Variants in PPP2R2B observed in about 807,000 individuals in gnomAD.
The protein encoded by PPP2R2B is serine/threonine-protein phosphatase 2A 55 kDa regulatory subunit B beta isoform.
A neutral mutation model predicts 46.0 loss-of-function variants in PPP2R2B; 5 were observed. The observed-to-expected ratio is 0.11, with a 90% CI of 0.06 to 0.23. PPP2R2B has a LOEUF of 0.23. Among genes scored for constraint, PPP2R2B ranks in the 10% least tolerant of loss-of-function variants. PPP2R2B has a pLI of 1.00. For missense variants in PPP2R2B, 367 were observed against 575.0 expected (o/e 0.64, Z 3.70); for synonymous variants, 215 against 206.7 (o/e 1.04, Z -0.34).
At chr5:146,726,368 G>T (rs1360815511) in intron 2 of PPP2R2B, among the ~76,000 whole-genome samples, 2 of 152,108 alleles carry the variant, frequency 1.3e-5, no homozygotes, top group Admixed American at 1.3e-4. Flanking sequence ...GGACTTTTTG[G>T]CTCTAGCGAG....
At chr5:146,891,611 C>T (rs1195579171) in intron 1 of PPP2R2B, among the ~76,000 whole-genome samples, 2 of 152,166 alleles carry the variant, frequency 1.3e-5, no homozygotes, top group Non-Finnish European at 2.9e-5. Context: ...TACCTGCCTA[C>T]TATGTGCTTA....
intron 2 of PPP2R2B, among the ~76,000 whole-genome samples, chr5:146,817,299 T>G (rs956481773): frequency 6.6e-6 from 1 of 152,152 alleles, no homozygotes. Flanking sequence ...CCAGAAAGCC[T>G]AAGACATTTT....
In PPP2R2B at chr5:146,672,190, A is replaced by T. The variant is rs141716970; in HGVS notation, c.447+18938T>A. On this transcript the variant is annotated intron_variant, in intron 5 of 9. Transcript: ENST00000394411. ...GGGAGACATCCAAGGAGGCAAGAGG[A>T]GATGTAAATTTCCCAGGGGAAGAAG... is the stretch of plus-strand genomic sequence containing the variant. Among the ~76,000 whole-genome samples the T allele has an allele frequency of 9.8e-3, 1,495 of 152,138 alleles. 22 individuals are homozygous for T. Among genetic ancestry groups the T allele is most frequent in the African/African-American group, 0.034 (1,388 of 41,426 alleles).
intron 2 of PPP2R2B, among the ~76,000 whole-genome samples, chr5:146,823,815 C>A (rs1161330564): frequency 6.6e-6 from 1 of 152,030 alleles, no homozygotes; most frequent in African/African-American, 2.4e-5. Flanking sequence ...GTGATTTTTG[C>A]AAAACATAGC....
chr5:146,845,007 T>C (rs180703153), intron 2 of PPP2R2B, among the ~76,000 whole-genome samples: 20 of 152,192 alleles, frequency 1.3e-4, no homozygotes, highest in Admixed American at 4.6e-4. Flanking sequence ...AGATCCCACT[T>C]TTGGCCACTT....
intron 1 of PPP2R2B, among the ~76,000 whole-genome samples, chr5:146,951,006 G>A (rs545705954): frequency 1.3e-5 from 2 of 151,910 alleles, no homozygotes; most frequent in Non-Finnish European, 2.9e-5. Context: ...GTAGAGATAA[G>A]GTCAAGCATC....
chr5:146,894,725 C>A (rs537982167), intron 1 of PPP2R2B, among the ~76,000 whole-genome samples: 1 of 152,184 alleles, frequency 6.6e-6, no homozygotes, highest in African/African-American at 2.4e-5. Flanking sequence ...CAGGCATGAG[C>A]CACCACACCT....
intron 1 of PPP2R2B, chr5:146,919,244 T>C (rs1429079467): frequency 6.6e-6 from 1 of 152,162 alleles, no homozygotes; most frequent in Non-Finnish European, 1.5e-5. Flanking sequence ...TAAAGAATAT[T>C]TCTACAGGAT....
chr5:146,713,456 T>C (rs749171971), intron 2 of PPP2R2B, among the ~76,000 whole-genome samples: 29 of 152,218 alleles, frequency 1.9e-4, no homozygotes, highest in Non-Finnish European at 3.2e-4. Context: ...GTAAAGCTTA[T>C]GTTACGTACA....
At chr5:146,740,577 A>T (rs1187718188) in intron 2 of PPP2R2B, among the ~76,000 whole-genome samples, 1 of 5,748 alleles carries the variant, frequency 1.7e-4, no homozygotes, top group Non-Finnish European at 3.8e-4. Context: ...ATGAGATCAC[A>T]CACACACACA....
chr5:147,017,153 A>T (rs1300048278), intron 1 of PPP2R2B, among the ~76,000 whole-genome samples: 1 of 151,626 alleles, frequency 6.6e-6, no homozygotes, highest in Non-Finnish European at 1.5e-5. Context: ...CCCAAGCCAG[A>T]GAAGTAGGAT....
upstream of PPP2R2B, chr5:147,056,135 T>A (rs1377138746): frequency 1.9e-6 from 2 of 1,044,148 alleles, no homozygotes; most frequent in East Asian, 1.5e-4. Context: ...TCCAGCAGGA[T>A]ATGGGAGTAG....
intron 7 of PPP2R2B, among the ~76,000 whole-genome samples, chr5:146,632,730 T>A (rs1774525302): frequency 6.6e-6 from 1 of 152,096 alleles, no homozygotes; most frequent in Admixed American, 6.5e-5. Flanking sequence ...GAAGTGACAT[T>A]TTCTCAGAAA....
intron 2 of PPP2R2B, among the ~76,000 whole-genome samples, chr5:146,711,646 T>TGGATGAGC (rs1379021580): frequency 6.6e-6 from 1 of 152,130 alleles, no homozygotes; most frequent in Non-Finnish European, 1.5e-5. Context: ...AAAGCCAAAG[T>TGGATGAGC]GGATGAGCAA....
At chr5:146,665,286 C>A (rs938218971) in intron 5 of PPP2R2B, among the ~76,000 whole-genome samples, 4 of 152,182 alleles carry the variant, frequency 2.6e-5, no homozygotes, top group Admixed American at 6.5e-5. Context: ...GTAGCCACCG[C>A]CACCCATGAT....
intron 2 of PPP2R2B, among the ~76,000 whole-genome samples, chr5:147,062,525 G>A (rs1426829236): frequency 1.3e-5 from 2 of 152,080 alleles, no homozygotes; most frequent in Non-Finnish European, 2.9e-5. Context: ...TATAGATGAG[G>A]AAGTTTACAC....
At chr5:146,912,922 C>T (rs879707803) in intron 1 of PPP2R2B, among the ~76,000 whole-genome samples, 4 of 152,172 alleles carry the variant, frequency 2.6e-5, no homozygotes, top group Admixed American at 6.5e-5. Flanking sequence ...AGTCCAAGCT[C>T]TTCTGGGGAT....
upstream of PPP2R2B, among the ~76,000 whole-genome samples, chr5:146,880,170 A>G (rs1201920075): frequency 7.0e-6 from 1 of 143,884 alleles, no homozygotes; most frequent in Non-Finnish European, 1.5e-5. Flanking sequence ...GTTCCTTGAC[A>G]TAGTTATTTT....
chr5:146,953,445 C>T (rs1751720425), intron 1 of PPP2R2B, among the ~76,000 whole-genome samples: 1 of 152,078 alleles, frequency 6.6e-6, no homozygotes, highest in Non-Finnish European at 1.5e-5. Context: ...CCATATATTA[C>T]TATAGAACAA....
Sources: gnomAD v4.1 joint callset for allele counts (sites outside exome capture counted in the v4.1 genomes callset) on GRCh38, gnomAD v4.1.1 for gene constraint, MANE v1.5 for transcripts, NCBI Gene and HGNC (gene_info 2026-07-23, HGNC 2026-07-21) for gene names.